Variants in ST18 observed in about 807,000 individuals in gnomAD.
ST18 encodes the protein ST18 C2H2C-type zinc finger transcription factor.
Under a neutral mutation model 110.0 loss-of-function variants are expected in ST18, and 50 were observed. The observed-to-expected ratio is 0.45, with a 90% CI of 0.36 to 0.58. ST18 has a LOEUF of 0.58. ST18 is among the 20% of genes least tolerant of loss of function. The probability of loss-of-function intolerance (pLI) is 0.00; values close to 1 mark genes in which losing one functional copy is unlikely to be tolerated. For synonymous variants in ST18, 461 were observed against 452.4 expected, an observed-to-expected ratio of 1.02 and a Z score of -0.24; for missense variants, 1,306 against 1,280.1, an observed-to-expected ratio of 1.02 and a Z score of -0.31.
chr8:52,318,456 T>A (rs957247505), intron 2 of ST18, among the ~76,000 whole-genome samples: 1 of 152,192 alleles, frequency 6.6e-6, no homozygotes, highest in Admixed American at 6.5e-5. Context: ...GGTGGGAGTG[T>A]AAATTGGTTC....
At chr8:52,285,967 C>T (rs921029268) in intron 2 of ST18, among the ~76,000 whole-genome samples, 1 of 151,792 alleles carries the variant, frequency 6.6e-6, no homozygotes, top group African/African-American at 2.4e-5. Context: ...TTCACTACAA[C>T]ACCCACTGCT....
intron 3 of ST18, among the ~76,000 whole-genome samples, chr8:52,225,030 C>T (rs1183302341): frequency 6.6e-6 from 1 of 152,166 alleles, no homozygotes; most frequent in Non-Finnish European, 1.5e-5. Context: ...TGAAGTCATC[C>T]AGAGCATCAC....
Position 52,165,207 on chromosome 8 carries a change from T to C in ST18, c.1223A>G (p.Asn408Ser). The change falls in exon 12 of 26, where the codon AAT becomes AGT. Residue 408 changes from asparagine (N) to serine (S), a missense_variant. Coordinates refer to ENST00000689386, the MANE Select transcript of ST18 (RefSeq NM_001352837.2). ...VPLEILAMHE[N>S]VLKCPTPGCT... ...TCCCGGCGTGGGACACTTGAGCACA[T>C]TTTCATGCATGGCAAGAACTAAGCA... The C allele has an allele frequency of 6.2e-7, 1 of 1,614,140 alleles. No homozygotes were observed. The highest frequency in any genetic ancestry group is 8.5e-7 in the Non-Finnish European group (1 of 1,180,008).
intron 2 of ST18, among the ~76,000 whole-genome samples, chr8:52,369,990 G>A (rs6999956): frequency 9.5e-4 from 144 of 152,258 alleles, no homozygotes; most frequent in African/African-American, 3.3e-3. Flanking sequence ...TAGTCAGACC[G>A]ATGCAGGTTT....
chr8:52,382,447 A>G (rs1239910131), intron 2 of ST18, among the ~76,000 whole-genome samples: 1 of 152,254 alleles, frequency 6.6e-6, no homozygotes, highest in South Asian at 2.1e-4. Flanking sequence ...TCAGACATGA[A>G]GCATGAAGCT....
At chr8:52,291,442 A>G (rs2095554725) in intron 2 of ST18, among the ~76,000 whole-genome samples, 1 of 152,244 alleles carries the variant, frequency 6.6e-6, no homozygotes, top group Non-Finnish European at 1.5e-5. Context: ...ACCACTTATC[A>G]AAAATGTTTG....
intron 8 of ST18, among the ~76,000 whole-genome samples, chr8:52,184,546 T>C (rs1456481432): frequency 2.6e-5 from 4 of 152,202 alleles, no homozygotes; most frequent in African/African-American, 9.6e-5. Flanking sequence ...AAGCAAACCA[T>C]AATTAGATAA....
At chr8:52,126,190 T>A in intron 22 of ST18, 50 bp from the exon 23 acceptor site, 1 of 1,544,970 alleles carries the variant, frequency 6.5e-7, no homozygotes, top group South Asian at 1.2e-5. Flanking sequence ...TGATTTCTTA[T>A]AAAAATTAAA....
chr8:52,149,308 C>T (rs1439073001), intron 16 of ST18, among the ~76,000 whole-genome samples: 1 of 152,208 alleles, frequency 6.6e-6, no homozygotes, highest in Non-Finnish European at 1.5e-5. Flanking sequence ...TTCACAAAAC[C>T]ATGGAAAGAA....
rs182223336 is a variant in ST18 at position 52,329,771 on chromosome 8, A to G, written c.-465+79557T>C. Among the ~76,000 whole-genome samples the G allele has an allele frequency of 6.0e-4, 91 of 152,262 alleles. No homozygotes were observed. The East Asian group carries it at 0.017, about 28-fold the overall frequency. ...GCGAGGCTCTGTCTAAAAAAAAAGA[A>G]AGAAACAAAAAAAGAAAAGAAAGAA... On this transcript the variant is annotated intron_variant, in intron 2 of 25. Transcript: ENST00000689386.
rs1463795255 is a variant in ST18 at position 52,220,852 on chromosome 8, T to C, written c.-264-4A>G. The C allele has an allele frequency of 1.3e-5, 2 of 152,146 alleles. No individual in the cohort carries two copies. The highest frequency in any genetic ancestry group is 1.9e-4 in the East Asian group (1 of 5,194). The allele number at this position is 152,146 out of a possible 1,614,324, so 9.4% of individuals were successfully genotyped here. A position where few individuals can be genotyped will look rare whatever the true frequency, so the allele number is the denominator to read the frequency against. Reference sequence around the variant, plus strand: ...GTGATAAATCCTGAAATTCATTCTATTGAGATAAGAAATCAAACAAGAAAA... The same window carrying C: ...GTGATAAATCCTGAAATTCATTCTACTGAGATAAGAAATCAAACAAGAAAA... On this transcript the variant is annotated splice_region_variant and splice_polypyrimidine_tract_variant and intron_variant, in intron 4 of 25. Coordinates refer to ENST00000689386, the MANE Select transcript of ST18 (RefSeq NM_001352837.2).
intron 2 of ST18, among the ~76,000 whole-genome samples, chr8:52,285,843 A>G (rs1438985919): frequency 6.6e-6 from 1 of 152,162 alleles, no homozygotes; most frequent in African/African-American, 2.4e-5. Flanking sequence ...TCAAAATGCC[A>G]CTTTTGAGGT....
intron 2 of ST18, among the ~76,000 whole-genome samples, chr8:52,392,625 G>T (rs1839687368): frequency 6.6e-6 from 1 of 152,172 alleles, no homozygotes. Flanking sequence ...AGCAATGAAA[G>T]CACAGATTTA....
chr8:52,289,529 C>A (rs1466135397), intron 2 of ST18, among the ~76,000 whole-genome samples: 3 of 152,152 alleles, frequency 2.0e-5, no homozygotes, highest in Non-Finnish European at 4.4e-5. Context: ...ACTAAGAAGA[C>A]TTCAGGAAGC....
chr8:52,222,897 C>T (rs937012217), intron 3 of ST18, among the ~76,000 whole-genome samples: 81 of 152,284 alleles, frequency 5.3e-4, no homozygotes, highest in African/African-American at 1.8e-3. Flanking sequence ...GCTCCCAGAA[C>T]TTGTAACAGA....
chr8:52,151,784 A>G (rs1412488756), intron 15 of ST18, among the ~76,000 whole-genome samples: 4 of 152,224 alleles, frequency 2.6e-5, no homozygotes, highest in African/African-American at 4.8e-5. Context: ...TCATAAAAAA[A>G]TAAAAAAAAA....
At chr8:52,178,613 T>G (rs1441673168) in intron 9 of ST18, among the ~76,000 whole-genome samples, 1 of 6,932 alleles carries the variant, frequency 1.4e-4, no homozygotes, top group Non-Finnish European at 2.2e-4. Context: ...TGAGACTCCA[T>G]CAAAAAAAAA....
At chr8:52,317,492 T>C (rs1221036198) in intron 2 of ST18, among the ~76,000 whole-genome samples, 1 of 152,246 alleles carries the variant, frequency 6.6e-6, no homozygotes, top group Admixed American at 6.5e-5. Flanking sequence ...TCCAGAACTG[T>C]AAGAGGACAT....
At chr8:52,262,042 G>A (rs924344929) in intron 2 of ST18, among the ~76,000 whole-genome samples, 2 of 152,202 alleles carry the variant, frequency 1.3e-5, no homozygotes, top group African/African-American at 4.8e-5. Flanking sequence ...GTCCAAGAGC[G>A]TGGCACCAGC....
Sources: gnomAD v4.1 joint callset for allele counts (sites outside exome capture counted in the v4.1 genomes callset) on GRCh38, gnomAD v4.1.1 for gene constraint, MANE v1.5 for transcripts, NCBI Gene and HGNC (gene_info 2026-07-23, HGNC 2026-07-21) for gene names.